The following PAK5 variants were observed in gnomAD, a reference collection of about 807,000 sequenced individuals.
PAK5 encodes serine/threonine-protein kinase PAK 5.
Under a neutral mutation model 65.9 loss-of-function variants are expected in PAK5, and 16 were observed. That is an observed-to-expected ratio of 0.24 (90% CI 0.16 to 0.37). PAK5 has a LOEUF of 0.37. PAK5 is among the 10% of genes least tolerant of loss of function. The probability of loss-of-function intolerance (pLI) is 1.00; values close to 1 mark genes in which losing one functional copy is unlikely to be tolerated. For missense variants in PAK5, 785 were observed against 903.9 expected, an observed-to-expected ratio of 0.87 and a Z score of 1.69; for synonymous variants, 371 against 354.9, an observed-to-expected ratio of 1.05 and a Z score of -0.51.
intron 1 of PAK5, among the ~76,000 whole-genome samples, chr20:9,783,690 T>C (rs75146646): frequency 0.012 from 1,893 of 152,346 alleles, 43 homozygotes; most frequent in African/African-American, 0.042. Context: ...AAGTATGTGA[T>C]ACTTTAAGTC....
chr20:9,809,864 T>C lies in PAK5; in HGVS notation c.-162+28898A>G, dbSNP rs558278575. Among the ~76,000 whole-genome samples, 5 of 152,316 alleles carry C rather than the reference T, an allele frequency of 3.3e-5. No individual in the cohort carries two copies. In the South Asian group the frequency reaches 1.0e-3, roughly 32 times the overall value. On this transcript the variant is annotated intron_variant, in intron 1 of 9. Coordinates refer to ENST00000353224, the MANE Select transcript of PAK5 (RefSeq NM_177990.4). The stretch of plus-strand genomic sequence containing the variant: ...AATGGCTGCAAGGTCAGAATTTTAC[T>C]CTGAGGAAGCCTCTCCATTCTTTTA...
chr20:9,569,478 G>C (rs563405228), intron 4 of PAK5, among the ~76,000 whole-genome samples: 10 of 152,294 alleles, frequency 6.6e-5, no homozygotes, highest in African/African-American at 2.2e-4. Flanking sequence ...CTTGCAAAAG[G>C]GAGCAGAGAA....
chr20:9,542,906 T>C (rs1267719095), intron 8 of PAK5, among the ~76,000 whole-genome samples, 186 bp from the exon 9 acceptor site: 2 of 152,272 alleles, frequency 1.3e-5, no homozygotes, highest in Admixed American at 6.5e-5. Flanking sequence ...TTGCCTTTTA[T>C]GGACAACTTC....
At position 9,604,045 on chromosome 20, in the gene PAK5, C is replaced by T. The variant is rs539328069; in HGVS notation, c.205-23115G>A. Among the ~76,000 whole-genome samples, 5 of 152,302 alleles carry T rather than the reference C, an allele frequency of 3.3e-5. No homozygotes were observed. The South Asian group carries it at 8.3e-4, about 25-fold the overall frequency. On this transcript the variant is annotated intron_variant, in intron 3 of 9. Transcript: ENST00000353224. ...TCACCACACCACAAATTATTGATAT[C>T]AGGGTAAACACACCTGATAGCAATA...
chr20:9,714,839 CA>C (rs1433758542), intron 1 of PAK5, among the ~76,000 whole-genome samples: 1 of 152,116 alleles, frequency 6.6e-6, no homozygotes, highest in African/African-American at 2.4e-5. Context: ...ACTGGCTAGG[CA>C]TATGTAGAAA....
intron 1 of PAK5, among the ~76,000 whole-genome samples, chr20:9,763,012 G>A (rs1346795389): frequency 6.6e-6 from 1 of 152,018 alleles, no homozygotes; most frequent in Non-Finnish European, 1.5e-5. Flanking sequence ...ATAAGCCAGA[G>A]ACAGAAATAC....
At chr20:9,644,707 T>C (rs1011153590) in intron 2 of PAK5, among the ~76,000 whole-genome samples, 7 of 152,176 alleles carry the variant, frequency 4.6e-5, no homozygotes, top group Non-Finnish European at 1.0e-4. Context: ...AAGATCTCTC[T>C]CTCAGGGAGA....
rs765472012 is a variant in PAK5 at position 9,644,110 on chromosome 20, G to A, written c.204+15C>T. ...TGATTCTTAAGCCCAGCCAAAGATG[G>A]AGCCCTCACCATACCTTCATAGGAG... On this transcript the variant is annotated intron_variant, in intron 3 of 9. Transcript: ENST00000353224. 6.2e-7 allele frequency: 1 copy of A among 1,601,846 alleles called. No individual in the cohort carries two copies. Among genetic ancestry groups the A allele is most frequent in the Non-Finnish European group, 8.6e-7 (1 of 1,169,060 alleles).
chr20:9,692,098 T>C (rs1230554893), intron 2 of PAK5, among the ~76,000 whole-genome samples: 1 of 152,220 alleles, frequency 6.6e-6, no homozygotes, highest in Non-Finnish European at 1.5e-5. Flanking sequence ...TATACATTCT[T>C]CCTTCCAGAG....
At chr20:9,560,940 C>T (rs1372069553) in intron 6 of PAK5, among the ~76,000 whole-genome samples, 4 of 152,106 alleles carry the variant, frequency 2.6e-5, no homozygotes, top group Non-Finnish European at 5.9e-5. Context: ...TGGGGTAGTA[C>T]CTGAGATTCT....
At chr20:9,771,582 A>ATTTTTTTTTTTTTTTTT (rs545140358) in intron 1 of PAK5, among the ~76,000 whole-genome samples, 127 of 109,710 alleles carry the variant, frequency 1.2e-3, no homozygotes, top group East Asian at 1.6e-3. Context: ...CAATTTTTTA[A>ATTTTTTTTTTTTTTTTT]TTTTTTTTTT....
intron 2 of PAK5, among the ~76,000 whole-genome samples, chr20:9,683,717 TTTTTG>T (rs1054921906): frequency 6.6e-5 from 10 of 152,216 alleles, no homozygotes; most frequent in African/African-American, 2.4e-4. Context: ...TTGGTACCTT[TTTTTG>T]TTTTGTTTTG....
chr20:9,582,731 C>T (rs549702332), intron 3 of PAK5, among the ~76,000 whole-genome samples: 1 of 152,246 alleles, frequency 6.6e-6, no homozygotes, highest in South Asian at 2.1e-4. Context: ...TGGAATTCTT[C>T]TGCACAGGAG....
At chr20:9,577,010 G>A (rs1001536724) in intron 4 of PAK5, among the ~76,000 whole-genome samples, 1 of 152,228 alleles carries the variant, frequency 6.6e-6, no homozygotes, top group Non-Finnish European at 1.5e-5. Flanking sequence ...AATCAGCAAA[G>A]TCAAATACAT....
intron 1 of PAK5, among the ~76,000 whole-genome samples, chr20:9,772,557 G>C (rs571075837): frequency 6.6e-6 from 1 of 152,292 alleles, no homozygotes; most frequent in Non-Finnish European, 1.5e-5. Flanking sequence ...TTCCCATTTG[G>C]TTATGACCAT....
At chr20:9,718,449 G>T (rs929865630) in intron 1 of PAK5, among the ~76,000 whole-genome samples, 4 of 151,834 alleles carry the variant, frequency 2.6e-5, no homozygotes, top group African/African-American at 9.7e-5. Flanking sequence ...TGAGTAGCAG[G>T]TTTGATACAT....
At chr20:9,658,332 G>T (rs372789594) in intron 2 of PAK5, among the ~76,000 whole-genome samples, 66 of 152,302 alleles carry the variant, frequency 4.3e-4, no homozygotes, top group African/African-American at 1.4e-3. Context: ...GCTATGGGTT[G>T]TCTGGAAACT....
chr20:9,626,861 A>G (rs553983375), intron 3 of PAK5, among the ~76,000 whole-genome samples: 1 of 152,274 alleles, frequency 6.6e-6, no homozygotes, highest in East Asian at 1.9e-4. Flanking sequence ...TGGTGAAAAA[A>G]TGAAATCAAA....
At chr20:9,771,081 G>T (rs928434718) in intron 1 of PAK5, among the ~76,000 whole-genome samples, 4 of 152,170 alleles carry the variant, frequency 2.6e-5, no homozygotes, top group Admixed American at 1.3e-4. Context: ...TCTTATAGCA[G>T]CCATAGCAAT....
Sources: gnomAD v4.1 joint callset for allele counts (sites outside exome capture counted in the v4.1 genomes callset) on GRCh38, gnomAD v4.1.1 for gene constraint, MANE v1.5 for transcripts, NCBI Gene and HGNC (gene_info 2026-07-23, HGNC 2026-07-21) for gene names.